Variants in FRYL observed in about 807,000 individuals in gnomAD.
FRYL encodes the protein protein furry homolog-like.
FRYL carries 150 observed loss-of-function variants against 351.2 expected under a neutral mutation model. That is an observed-to-expected ratio of 0.43 (90% CI 0.37 to 0.49). The LOEUF (loss-of-function observed/expected upper bound fraction) is 0.49. Ranked by LOEUF, FRYL falls within the 20% of genes least tolerant of loss-of-function variation. The pLI is 0.00. For synonymous variants in FRYL, 1,153 were observed against 1,257.1 expected (o/e 0.92, Z 1.75); for missense variants, 3,036 against 3,619.3 (o/e 0.84, Z 4.13).
At chr4:48,726,216 G>A (rs13106353) in intron 1 of FRYL, among the ~76,000 whole-genome samples, 2,677 of 152,268 alleles carry the variant, frequency 0.018, 29 homozygotes, top group Middle Eastern at 0.044. Context: ...AAGAAAACAC[G>A]AAGCAAGTAA....
chr4:48,620,562 A>C, intron 6 of FRYL, 77 bp downstream of exon 6: 8 of 1,431,680 alleles, frequency 5.6e-6, no homozygotes, highest in Non-Finnish European at 7.7e-6. Context: ...AACAATAACA[A>C]CCTTCAGTTG....
chr4:48,628,582 G>A (rs545210132), intron 4 of FRYL, among the ~76,000 whole-genome samples: 1 of 151,788 alleles, frequency 6.6e-6, no homozygotes, highest in Non-Finnish European at 1.5e-5. Flanking sequence ...CGACTAGAGT[G>A]GGGGGAATAA....
At chr4:48,632,438 G>T (rs1008506008) in intron 4 of FRYL, among the ~76,000 whole-genome samples, 2 of 150,416 alleles carry the variant, frequency 1.3e-5, no homozygotes, top group Non-Finnish European at 3.0e-5. Flanking sequence ...CATTGAAAAA[G>T]AAAACTAACA....
intron 7 of FRYL, among the ~76,000 whole-genome samples, chr4:48,610,950 C>T (rs1748050470): frequency 1.3e-5 from 2 of 151,556 alleles, no homozygotes; most frequent in African/African-American, 4.8e-5. Flanking sequence ...AGTAGTACTA[C>T]AATAAACATC....
chr4:48,499,166 T>C lies in FRYL; in HGVS notation c.*256A>G. The C allele has an allele frequency of 2.5e-6, 1 of 396,798 alleles. No homozygotes were observed. The highest frequency in any genetic ancestry group is 4.6e-6 in the Non-Finnish European group (1 of 216,658). 24.6% of individuals were successfully genotyped at this position (396,798 alleles called of 1,614,324 possible). On this transcript the variant is annotated 3_prime_UTR_variant, in exon 64 of 64. Coordinates refer to ENST00000358350, the MANE Select transcript of FRYL (RefSeq NM_015030.2). Reference sequence around the variant, plus strand: ...ATTTGTAGGCATCACTTTTAGCCCTTTTCTTTTCACGTAGGTTAAGTAATT... The same window carrying C: ...ATTTGTAGGCATCACTTTTAGCCCTCTTCTTTTCACGTAGGTTAAGTAATT...
At chr4:48,511,074 T>C (rs923844651) in intron 57 of FRYL, 90 bp from the exon 58 acceptor site, 6 of 712,398 alleles carry the variant, frequency 8.4e-6, no homozygotes, top group African/African-American at 7.3e-5. Context: ...GGTAGACTTT[T>C]ATTTTAAAAT....
At chr4:48,695,220 G>C in intron 2 of FRYL, among the ~76,000 whole-genome samples, 1 of 152,164 alleles carries the variant, frequency 6.6e-6, no homozygotes, top group East Asian at 1.9e-4. Context: ...CTGTGGTGCT[G>C]TAAGAGTTGC....
At chr4:48,758,528 G>T (rs897222820) in intron 1 of FRYL, among the ~76,000 whole-genome samples, 4 of 152,202 alleles carry the variant, frequency 2.6e-5, no homozygotes, top group Non-Finnish European at 4.4e-5. Flanking sequence ...AAACCACAAT[G>T]AGATACCATC....
chr4:48,707,015 C>T (rs939904559), intron 2 of FRYL, among the ~76,000 whole-genome samples: 4 of 152,080 alleles, frequency 2.6e-5, no homozygotes, highest in Non-Finnish European at 4.4e-5. Context: ...CTAAGCTGCA[C>T]CCCAAAGAAA....
intron 1 of FRYL, among the ~76,000 whole-genome samples, chr4:48,722,824 A>G (rs1198585312): frequency 6.6e-6 from 1 of 152,202 alleles, no homozygotes; most frequent in African/African-American, 2.4e-5. Flanking sequence ...AAAGATAAAA[A>G]TCATCATGAT....
intron 59 of FRYL, among the ~76,000 whole-genome samples, chr4:48,507,373 G>A (rs919495271): frequency 2.6e-5 from 4 of 152,062 alleles, no homozygotes; most frequent in African/African-American, 4.8e-5. Context: ...TTCCTGTCAC[G>A]GCATTTTCTT....
intron 18 of FRYL, among the ~76,000 whole-genome samples, chr4:48,589,336 G>GTTCCT (rs1470976212): frequency 1.3e-5 from 2 of 150,722 alleles, no homozygotes; most frequent in African/African-American, 4.9e-5. Context: ...ATGCCCCTTA[G>GTTCCT]TTCCTAGGAG....
intron 58 of FRYL, 50 bp downstream of exon 58, chr4:48,510,785 G>GTAAGTCTTTATA: frequency 7.2e-7 from 1 of 1,386,470 alleles, no homozygotes; most frequent in South Asian, 1.2e-5. Context: ...CTTACTGAAT[G>GTAAGTCTTTATA]ATGCCATTCC....
intron 41 of FRYL, among the ~76,000 whole-genome samples, chr4:48,546,925 G>T (rs2148966038): frequency 6.6e-6 from 1 of 151,758 alleles, no homozygotes; most frequent in East Asian, 1.9e-4. Context: ...TAAATAACAG[G>T]GTTTTAACTA....
chr4:48,778,612 T>C (rs913425205), intron 1 of FRYL, among the ~76,000 whole-genome samples: 3 of 152,236 alleles, frequency 2.0e-5, no homozygotes, highest in African/African-American at 7.2e-5. Flanking sequence ...TAACAAGGAA[T>C]GTGCTATCTC....
intron 31 of FRYL, 85 bp from the exon 32 acceptor site, chr4:48,563,073 G>C: frequency 2.4e-6 from 2 of 839,796 alleles, no homozygotes; most frequent in Non-Finnish European, 3.9e-6. Context: ...CAAAGGGCAA[G>C]GCTTATAGGC....
intron 3 of FRYL, among the ~76,000 whole-genome samples, chr4:48,665,764 A>G (rs988203497): frequency 2.0e-5 from 3 of 152,174 alleles, no homozygotes; most frequent in Non-Finnish European, 2.9e-5. Context: ...CAGAAAAGAG[A>G]CTTAAACTGC....
At chr4:48,522,141 A>G (rs933566466) in intron 54 of FRYL, among the ~76,000 whole-genome samples, 1 of 152,144 alleles carries the variant, frequency 6.6e-6, no homozygotes, top group South Asian at 2.1e-4. Flanking sequence ...TTAGCTGTGC[A>G]TATGTGGCAT....
chr4:48,570,900 G>A lies in FRYL; in HGVS notation c.2923C>T (p.Arg975Cys), dbSNP rs755491314. The stretch of plus-strand genomic sequence containing the variant: ...AGTTGTACTCGTAAAATGTCTCGAC[G>A]CCTGCGCCGTTTCATATTCTATTCC... ...RRPENMKRRR[R>C]RDILRVQLVR... is the part of the protein sequence containing the mutation. Residue 975 changes from arginine (R) to cysteine (C), a missense_variant, in exon 27 of 64, where the codon CGT becomes TGT. This residue lies in a region of FRYL where 492 missense variants were observed against 551.5 expected (regional missense o/e 0.89). Coordinates refer to ENST00000358350, the MANE Select transcript of FRYL (RefSeq NM_015030.2). 4 of 1,613,210 alleles carry A rather than the reference G, an allele frequency of 2.5e-6. No homozygotes were observed. Among genetic ancestry groups the A allele is most frequent in the Non-Finnish European group, 3.4e-6 (4 of 1,179,276 alleles).
Sources: gnomAD v4.1 joint callset for allele counts (sites outside exome capture counted in the v4.1 genomes callset) on GRCh38, gnomAD v4.1.1 for gene constraint, gnomAD v4.1.1 regional missense constraint, MANE v1.5 for transcripts, NCBI Gene and HGNC (gene_info 2026-07-23, HGNC 2026-07-21) for gene names.